The following ETV5 variants were observed in gnomAD, a reference collection of about 807,000 sequenced individuals.
The protein encoded by ETV5 is ETS translocation variant 5.
Under a neutral mutation model 70.0 loss-of-function variants are expected in ETV5, and 10 were observed. That is an observed-to-expected ratio of 0.14 (90% CI 0.09 to 0.24). ETV5 has a LOEUF of 0.24. ETV5 is among the 10% of genes least tolerant of loss of function. ETV5 has a pLI of 1.00. For synonymous variants in ETV5, 216 were observed against 242.2 expected, an observed-to-expected ratio of 0.89 and a Z score of 1.01; for missense variants, 453 against 651.2, an observed-to-expected ratio of 0.70 and a Z score of 3.31.
At chr3:186,080,595 T>C in intron 6 of ETV5, 2 of 232,140 alleles carry the variant, frequency 8.6e-6, no homozygotes, top group Middle Eastern at 1.3e-3. Flanking sequence ...CAAAGAATGA[T>C]TTAAAATTAA....
At chr3:186,083,123 A>G (rs544218414) in intron 5 of ETV5, among the ~76,000 whole-genome samples, 2 of 152,312 alleles carry the variant, frequency 1.3e-5, no homozygotes, top group Admixed American at 1.3e-4. Flanking sequence ...GTTGCTAGTA[A>G]ATGAGAATTT....
chr3:186,074,240 ACTT>A (rs1560050114), intron 7 of ETV5, among the ~76,000 whole-genome samples: 1 of 152,174 alleles, frequency 6.6e-6, no homozygotes, highest in African/African-American at 2.4e-5. Context: ...AAAATGGACA[ACTT>A]CTTAGAAAAA....
intron 5 of ETV5, among the ~76,000 whole-genome samples, chr3:186,083,558 C>G (rs561835556): frequency 6.6e-6 from 1 of 152,112 alleles, no homozygotes; most frequent in Non-Finnish European, 1.5e-5. Context: ...AAGCTGCCAG[C>G]GAATTCTGAT....
Position 186,046,749 on chromosome 3 carries a change from A to G in ETV5, c.*1890T>C, listed in dbSNP as rs1473560140. ...TCTATACAGCATTTACAACAAATAA[A>G]TCTCTAGCCAGCTGGGGGTAAAATA... On this transcript the variant is annotated 3_prime_UTR_variant, in exon 13 of 13. Coordinates refer to ENST00000306376, the MANE Select transcript of ETV5 (RefSeq NM_004454.3). 4.3e-6 allele frequency: 1 copy of G among 232,898 alleles called. No homozygotes were observed. The highest frequency in any genetic ancestry group is 2.2e-5 in the African/African-American group (1 of 45,318). 14.4% of individuals were successfully genotyped at this position (232,898 alleles called of 1,614,324 possible).
chr3:186,079,876 T>G lies in ETV5; in HGVS notation c.591A>C (p.Pro197=), dbSNP rs764497902. The change falls in exon 7 of 13, where the codon CCA becomes CCC. Residue 197 remains proline, a synonymous_variant. Coordinates refer to ENST00000306376, the MANE Select transcript of ETV5 (RefSeq NM_004454.3). Reference sequence around the variant, plus strand: ...TCTTTGGCATCTGCAGGGGCTGATGTGGTGGTCGGGGGACCGCAAATGTTT... The same window carrying G: ...TCTTTGGCATCTGCAGGGGCTGATGGGGTGGTCGGGGGACCGCAAATGTTT... ...QQQTFAVPRP[P]HQPLQMPKMM... is the part of the protein sequence containing the mutation. The G allele has an allele frequency of 2.5e-6, 4 of 1,569,892 alleles. No individual in the cohort carries two copies. The highest frequency in any genetic ancestry group is 3.4e-6 in the Non-Finnish European group (4 of 1,161,046).
At chr3:186,093,800 CA>C (rs1194462458) in intron 5 of ETV5, among the ~76,000 whole-genome samples, 1 of 152,072 alleles carries the variant, frequency 6.6e-6, no homozygotes, top group Non-Finnish European at 1.5e-5. Context: ...CAAGGACAGA[CA>C]GGGGGAAAGA....
intron 7 of ETV5, among the ~76,000 whole-genome samples, chr3:186,077,585 A>G (rs1713827428): frequency 6.6e-6 from 1 of 152,202 alleles, no homozygotes; most frequent in Non-Finnish European, 1.5e-5. Flanking sequence ...GTAGGGTGGA[A>G]TAAGGATGAG....
intron 5 of ETV5, among the ~76,000 whole-genome samples, chr3:186,097,469 TA>T: frequency 6.6e-6 from 1 of 152,190 alleles, no homozygotes; most frequent in African/African-American, 2.4e-5. Context: ...AATGGGGAGC[TA>T]AAGCCACAAC....
In ETV5 at chr3:186,105,555, G is replaced by A. The variant is rs904720986; in HGVS notation, c.134-59C>T. On this transcript the variant is annotated intron_variant, in intron 3 of 12. Coordinates refer to ENST00000306376, the MANE Select transcript of ETV5 (RefSeq NM_004454.3). This position sits in a 1 kb window ranked among gnomAD's most constrained non-coding sequence, Gnocchi z 4.5. ...TATTTCTTTCGCTAGGGAGAAGACA[G>A]GGAAGAATCTACACGCTACTGTCAC... 5.6e-6 allele frequency: 9 copies of A among 1,611,880 alleles called. No homozygotes were observed. Among genetic ancestry groups the A allele is most frequent in the Non-Finnish European group, 6.8e-6 (8 of 1,178,186 alleles).
chr3:186,051,998 G>A (rs377316298), intron 12 of ETV5, 32 bp downstream of exon 12: 56 of 1,603,014 alleles, frequency 3.5e-5, no homozygotes, highest in Non-Finnish European at 4.5e-5. Context: ...AAAGAGACCA[G>A]AGTGGGCTAA....
intron 5 of ETV5, among the ~76,000 whole-genome samples, chr3:186,095,527 GA>G (rs1011261764): frequency 1.3e-5 from 2 of 152,110 alleles, no homozygotes; most frequent in African/African-American, 4.8e-5. Context: ...AAACCCTAGG[GA>G]AATGAGTTTC....
intron 9 of ETV5, among the ~76,000 whole-genome samples, chr3:186,061,971 G>T (rs368336580): frequency 3.9e-5 from 6 of 152,222 alleles, no homozygotes; most frequent in African/African-American, 1.4e-4. Flanking sequence ...ACAAAAACCG[G>T]CAGCAGATGC....
intron 7 of ETV5, among the ~76,000 whole-genome samples, chr3:186,073,940 T>C (rs1464577796): frequency 6.6e-6 from 1 of 152,164 alleles, no homozygotes; most frequent in African/African-American, 2.4e-5. Context: ...GGCTAAAAAT[T>C]AGTGAGCTAA....
intron 5 of ETV5, among the ~76,000 whole-genome samples, chr3:186,098,273 A>C (rs2150154135): frequency 6.6e-6 from 1 of 152,320 alleles, no homozygotes; most frequent in South Asian, 2.1e-4. Context: ...CAGCGGAGAG[A>C]AACAGACTTC....
intron 9 of ETV5, among the ~76,000 whole-genome samples, chr3:186,058,731 T>C (rs182656622): frequency 1.1e-3 from 163 of 152,206 alleles, no homozygotes; most frequent in African/African-American, 3.8e-3. Flanking sequence ...TGATTTTAGA[T>C]TGGTTTGTTG....
rs376109002 is a variant in ETV5, at chr3:186,046,396, G to T, written c.*2243C>A. 4.4e-6 allele frequency: 1 copy of T among 228,092 alleles called. No homozygotes were observed. Among genetic ancestry groups the T allele is most frequent in the East Asian group, 6.3e-5 (1 of 15,966 alleles). The allele number at this position is 228,092 out of a possible 1,614,324, so 14.1% of individuals were successfully genotyped here. A position where few individuals can be genotyped will look rare whatever the true frequency, so the allele number is the denominator to read the frequency against. ...CTTGGCAGGATGCATACGGCCCTGC[G>T]CAGGGGAAAGTATTTCAAATCAGCT... On this transcript the variant is annotated 3_prime_UTR_variant, in exon 13 of 13. Coordinates refer to ENST00000306376, the MANE Select transcript of ETV5 (RefSeq NM_004454.3).
chr3:186,063,639 T>A (rs1713363843), intron 9 of ETV5, among the ~76,000 whole-genome samples: 1 of 152,224 alleles, frequency 6.6e-6, no homozygotes, highest in African/African-American at 2.4e-5. Flanking sequence ...GTGGGTAAAC[T>A]GCTTTATATC....
intron 7 of ETV5, among the ~76,000 whole-genome samples, chr3:186,072,893 G>C (rs945996676): frequency 1.3e-5 from 2 of 152,200 alleles, no homozygotes; most frequent in Non-Finnish European, 2.9e-5. Context: ...CCAGCACTTT[G>C]GGAGGCCAAG....
At chr3:186,093,124 C>T (rs1714221504) in intron 5 of ETV5, among the ~76,000 whole-genome samples, 1 of 152,162 alleles carries the variant, frequency 6.6e-6, no homozygotes, top group Admixed American at 6.5e-5. Flanking sequence ...ATCAGCAATT[C>T]CAGCTTAGGG....
Sources: allele counts gnomAD v4.1 joint callset (sites outside exome capture counted in the v4.1 genomes callset), GRCh38; gene constraint gnomAD v4.1.1; non-coding constraint Gnocchi (gnomAD v3.1); transcripts MANE v1.5; gene names NCBI Gene and HGNC (gene_info 2026-07-23, HGNC 2026-07-21).